The following NCAPG2 variants were observed in gnomAD, a reference collection of about 807,000 sequenced individuals.
The protein encoded by NCAPG2 is non-SMC condensin II complex subunit G2, also known as condensin-2 complex subunit G2.
A neutral mutation model predicts 141.1 loss-of-function variants in NCAPG2; 53 were observed. The observed-to-expected ratio is 0.38, with a 90% CI of 0.30 to 0.47. The LOEUF is 0.47. NCAPG2 is among the 20% of genes least tolerant of loss of function. The probability of loss-of-function intolerance (pLI) is 0.99; values close to 1 mark genes in which losing one functional copy is unlikely to be tolerated. For missense variants in NCAPG2, 1,087 were observed against 1,389.0 expected, an observed-to-expected ratio of 0.78 and a Z score of 3.46; for synonymous variants, 499 against 490.7, an observed-to-expected ratio of 1.02 and a Z score of -0.22.
chr7:158,643,971 G>A (rs181659985), intron 27 of NCAPG2, among the ~76,000 whole-genome samples: 11 of 152,304 alleles, frequency 7.2e-5, no homozygotes, highest in Non-Finnish European at 1.0e-4. Context: ...CTTGGGAAAC[G>A]CCCATGGTTT....
intron 19 of NCAPG2, 62 bp from the exon 20 acceptor site, chr7:158,655,517 A>G: frequency 1.5e-6 from 2 of 1,361,204 alleles, no homozygotes; most frequent in Non-Finnish European, 2.1e-6. Flanking sequence ...CACCCCGTAC[A>G]GCAAGAACAA....
chr7:158,641,124 T>TAA (rs968837939), intron 27 of NCAPG2: 8 of 150,720 alleles, frequency 5.3e-5, no homozygotes, highest in East Asian at 1.7e-4. Flanking sequence ...AAGAAAGGTT[T>TAA]AAAAAAAAAA....
In NCAPG2 at chr7:158,645,524, T is replaced by C. The variant is rs1485659832; in HGVS notation, c.3275A>G (p.Asn1092Ser). 6.2e-7 allele frequency: 1 copy of C among 1,614,056 alleles called. No homozygotes were observed. Among genetic ancestry groups the C allele is most frequent in the Non-Finnish European group, 8.5e-7 (1 of 1,179,892 alleles). Residue 1092 changes from asparagine to serine, a missense_variant, in exon 26 of 28, where the codon AAT (asparagine) becomes AGT (serine). Transcript: ENST00000356309. ...TAAVHIILVI[N>S]AGKHKSSKVR... is the part of the protein sequence containing the mutation. Reference sequence around the variant, plus strand: ...CAGAGGGGAATGTAACCAACCTGCATTAATAACCAGGATAATATGCACAGC... The same window carrying C: ...CAGAGGGGAATGTAACCAACCTGCACTAATAACCAGGATAATATGCACAGC...
chr7:158,671,049 A>G (rs1475861788), intron 13 of NCAPG2, among the ~76,000 whole-genome samples: 1 of 144,538 alleles, frequency 6.9e-6, no homozygotes, highest in African/African-American at 2.5e-5. Flanking sequence ...CATCTCTCAT[A>G]AAGTGGGTGT....
intron 24 of NCAPG2, among the ~76,000 whole-genome samples, chr7:158,649,079 C>A (rs2129458205): frequency 6.6e-6 from 1 of 152,306 alleles, no homozygotes; most frequent in East Asian, 1.9e-4. Flanking sequence ...AAACACAAAG[C>A]ACAAGAAAGC....
rs561765663 is a variant in NCAPG2 at position 158,688,948 on chromosome 7, AG to A, written c.672+870del. On this transcript the variant is annotated intron_variant, in intron 6 of 27. Coordinates refer to ENST00000356309, the MANE Select transcript of NCAPG2 (RefSeq NM_017760.7). ...CCCTTCTCCACCTCCTTCAGGGAGGAGGGATGACTTCCTCCTTCTGCCTCAG... is the reference window on the plus strand; with the variant it reads ...CCCTTCTCCACCTCCTTCAGGGAGGAGGATGACTTCCTCCTTCTGCCTCAG... Among the ~76,000 whole-genome samples, 17 of 152,092 alleles carry A rather than the reference AG, an allele frequency of 1.1e-4. No homozygotes were observed. The East Asian group carries it at 2.9e-3, about 26-fold the overall frequency.
chr7:158,664,836 C>CA, intron 13 of NCAPG2, 86 bp from the exon 14 acceptor site: 1 of 1,117,942 alleles, frequency 8.9e-7, no homozygotes, highest in Admixed American at 2.9e-5. Flanking sequence ...CAAGCACAAC[C>CA]AAAAAAGGAA....
chr7:158,655,147 G>T lies in NCAPG2; in HGVS notation c.2617C>A (p.His873Asn). 6.2e-7 allele frequency: 1 copy of T among 1,613,518 alleles called. No individual in the cohort carries two copies. The highest frequency in any genetic ancestry group is 1.1e-5 in the South Asian group (1 of 91,026). ...ATAATTTGCTGATAAATGACCCTATGAAGCTTCAGGTAGTCTTCTTCTTGA... is the reference window on the plus strand; with the variant it reads ...ATAATTTGCTGATAAATGACCCTATTAAGCTTCAGGTAGTCTTCTTCTTGA... The part of the protein sequence containing the change: ...QDQEEDYLKL[H>N]RVIYQQIIQT... The change falls in exon 21 of 28, where the codon CAT (histidine) becomes AAT (asparagine). Residue 873 changes from histidine (H) to asparagine (N), a missense_variant. His to Asn is a moderately conservative substitution (Grantham distance 68). Coordinates refer to ENST00000356309, the MANE Select transcript of NCAPG2 (RefSeq NM_017760.7).
intron 27 of NCAPG2, among the ~76,000 whole-genome samples, chr7:158,641,850 T>C (rs568088237): frequency 6.6e-6 from 1 of 152,114 alleles, no homozygotes; most frequent in Non-Finnish European, 1.5e-5. Flanking sequence ...ATCTAACAGG[T>C]AGAAAATTAG....
intron 25 of NCAPG2, among the ~76,000 whole-genome samples, 177 bp from the exon 26 acceptor site, chr7:158,645,796 A>T (rs1296218277): frequency 2.0e-5 from 3 of 152,180 alleles, no homozygotes; most frequent in Admixed American, 2.0e-4. Context: ...GTACAGTGAG[A>T]TATTAAAACC....
intron 7 of NCAPG2, among the ~76,000 whole-genome samples, chr7:158,687,108 G>T (rs1391563926): frequency 6.6e-6 from 1 of 152,132 alleles, no homozygotes; most frequent in Non-Finnish European, 1.5e-5. Flanking sequence ...GGTTCAACTG[G>T]AAACTATTTT....
intron 2 of NCAPG2, chr7:158,696,491 G>GA (rs1353700491): frequency 6.6e-6 from 1 of 152,014 alleles, no homozygotes; most frequent in East Asian, 1.9e-4. Flanking sequence ...ATATCTTTTA[G>GA]AAAAATACGA....
chr7:158,653,442 AT>A (rs1331129343), intron 22 of NCAPG2, among the ~76,000 whole-genome samples: 2 of 152,014 alleles, frequency 1.3e-5, no homozygotes, highest in Non-Finnish European at 2.9e-5. Flanking sequence ...GGTCTATTTA[AT>A]ATTTACTCTT....
intron 23 of NCAPG2, among the ~76,000 whole-genome samples, chr7:158,651,375 A>G (rs940742348): frequency 9.9e-5 from 15 of 152,238 alleles, no homozygotes; most frequent in African/African-American, 3.6e-4. Flanking sequence ...TACATAAAAG[A>G]TCACAGGCAC....
Position 158,680,056 on chromosome 7 carries a change from A to C in NCAPG2, c.1050T>G (p.Ala350=). Residue 350 remains alanine, a synonymous_variant, in exon 11 of 28, where the codon GCT becomes GCG. Transcript: ENST00000356309. ...KARNSEVRSN[A]ALLFVEAFPI... The stretch of plus-strand genomic sequence containing the variant: ...GAAATGCTTCAACAAACAACAATGC[A>C]GCATTTGATCGAACTTCAGAGTTTC... 2 of 1,614,074 alleles carry C rather than the reference A, an allele frequency of 1.2e-6. No homozygotes were observed. The highest frequency in any genetic ancestry group is 1.7e-6 in the Non-Finnish European group (2 of 1,179,922).
At position 158,667,206 on chromosome 7, in the gene NCAPG2, G is replaced by A. The variant is rs538771222; in HGVS notation, c.1480-2456C>T. The A allele has an allele frequency of 8.1e-6, 8 of 985,316 alleles. No homozygotes were observed. In the East Asian group the frequency reaches 5.7e-4, roughly 70 times the overall value. The allele number at this position is 985,316 out of a possible 1,614,324, so 61.0% of individuals were successfully genotyped here. On this transcript the variant is annotated intron_variant, in intron 13 of 27. Coordinates refer to ENST00000356309, the MANE Select transcript of NCAPG2 (RefSeq NM_017760.7). ...CAAAGATAAGGACTGAAACGCAAAC[G>A]TTCTGCCTTCTTCCTCTGCTCTGGC...
At chr7:158,688,367 C>T (rs1215636665) in intron 6 of NCAPG2, among the ~76,000 whole-genome samples, 1 of 152,074 alleles carries the variant, frequency 6.6e-6, no homozygotes, top group Non-Finnish European at 1.5e-5. Context: ...CACATACATA[C>T]ATTTATGTCT....
chr7:158,658,676 T>C (rs1464540122), intron 16 of NCAPG2, among the ~76,000 whole-genome samples: 1 of 152,194 alleles, frequency 6.6e-6, no homozygotes, highest in Non-Finnish European at 1.5e-5. Flanking sequence ...AGTACCAATC[T>C]AGACCCTGGG....
intron 27 of NCAPG2, among the ~76,000 whole-genome samples, chr7:158,637,575 G>GGA (rs1554548257): frequency 5.3e-4 from 81 of 152,174 alleles, no homozygotes; most frequent in African/African-American, 1.3e-3. Context: ...TCCAGCTCCG[G>GGA]CTCCAGCAGC....
Sources: gnomAD v4.1 joint callset for allele counts (sites outside exome capture counted in the v4.1 genomes callset) on GRCh38, gnomAD v4.1.1 for gene constraint, MANE v1.5 for transcripts, NCBI Gene and HGNC (gene_info 2026-07-23, HGNC 2026-07-21) for gene names.